CRHBP: variants seen among roughly 807,000 people sequenced by gnomAD.
The protein encoded by CRHBP is corticotropin-releasing hormone-binding protein.
Under a neutral mutation model 34.9 loss-of-function variants are expected in CRHBP, and 19 were observed. That is an observed-to-expected ratio of 0.55 (90% CI 0.38 to 0.80). The LOEUF is 0.80. Among genes scored for constraint, CRHBP ranks in the 30% least tolerant of loss-of-function variants. The pLI, the probability that CRHBP is intolerant of heterozygous loss-of-function variation, is 0.00. For missense variants in CRHBP, 328 were observed against 409.2 expected (o/e 0.80, Z 1.71); for synonymous variants, 154 against 153.4 (o/e 1.00, Z -0.03).
chr5:76,969,890 A>G (rs1186621522), downstream of CRHBP, among the ~76,000 whole-genome samples: 1 of 150,126 alleles, frequency 6.7e-6, no homozygotes, highest in Non-Finnish European at 1.5e-5. Flanking sequence ...TATGTAAAAG[A>G]CATCTTGGAG....
intron 6 of CRHBP, 70 bp from the exon 7 acceptor site, chr5:76,968,658 C>A: frequency 1.4e-6 from 2 of 1,477,090 alleles, no homozygotes; most frequent in South Asian, 1.3e-5. Context: ...TTAAGTGATC[C>A]CGTCATTTAA....
chr5:76,964,921 C>CA (rs1745838158), intron 6 of CRHBP, among the ~76,000 whole-genome samples: 1 of 151,538 alleles, frequency 6.6e-6, no homozygotes, highest in Admixed American at 6.6e-5. Flanking sequence ...GAGGCTGACG[C>CA]AGGAGGATCG....
intron 3 of CRHBP, among the ~76,000 whole-genome samples, chr5:76,979,628 C>T (rs1052652947): frequency 3.9e-5 from 6 of 152,086 alleles, no homozygotes; most frequent in Admixed American, 1.3e-4. Context: ...GGATTACAGG[C>T]GTGAGACACC....
downstream of CRHBP, among the ~76,000 whole-genome samples, chr5:76,969,980 C>T (rs2150710278): frequency 9.2e-6 from 1 of 108,618 alleles, no homozygotes; most frequent in South Asian, 3.1e-4. Context: ...ACAGTCTTGG[C>T]TCTGTCACCT....
downstream of CRHBP, among the ~76,000 whole-genome samples, chr5:76,972,227 C>T (rs184190965): frequency 3.0e-4 from 45 of 152,018 alleles, no homozygotes; most frequent in African/African-American, 1.0e-3. Flanking sequence ...AGGCTGGGCG[C>T]AGTGGCTCAC....
downstream of CRHBP, among the ~76,000 whole-genome samples, chr5:76,974,467 T>TTTTTTTTTGA (rs1271884314): frequency 3.3e-5 from 5 of 151,436 alleles, no homozygotes; most frequent in African/African-American, 9.7e-5. Flanking sequence ...CTATTTTAAT[T>TTTTTTTTTGA]GGGAGGCAAC....
Position 76,963,456 on chromosome 5 carries a change from C to A in CRHBP, c.807C>A (p.Gly269=). ...PLADLCYPFH[G]PAQMKVGCDN... is the part of the protein sequence containing the mutation. ...CTGATCTCTGCTACCCCTTTCATGG[C>A]CCGGGTGAGGTATTTCTTTGATTGT... The change falls in exon 6 of 7, where the codon GGC becomes GGA. Residue 269 remains glycine, a synonymous_variant. Coordinates refer to ENST00000274368, the MANE Select transcript of CRHBP (RefSeq NM_001882.4). The A allele has an allele frequency of 1.2e-6, 2 of 1,612,176 alleles. No homozygotes were observed. The highest frequency in any genetic ancestry group is 1.7e-6 in the Non-Finnish European group (2 of 1,178,356).
At chr5:76,955,904 C>T in intron 4 of CRHBP, 41 bp downstream of exon 4, 1 of 1,567,376 alleles carries the variant, frequency 6.4e-7, no homozygotes, top group Non-Finnish European at 8.7e-7. Flanking sequence ...CGGATATAGA[C>T]CCGCTTTTTG....
In CRHBP at chr5:76,953,145, A is replaced by G; in HGVS notation, c.11A>G (p.Asn4Ser). 8 of 1,614,186 alleles carry G rather than the reference A, an allele frequency of 5.0e-6. No individual in the cohort carries two copies. Among genetic ancestry groups the G allele is most frequent in the Non-Finnish European group, 6.8e-6 (8 of 1,180,030 alleles). The change falls in exon 1 of 7, where the codon AAC becomes AGC. Residue 4 changes from asparagine (N) to serine (S), a missense_variant. Asn to Ser is a conservative substitution (Grantham distance 46, BLOSUM62 1). Around this residue, in one of 3 missense-constraint regions of CRHBP, gnomAD observed 11 missense variants for 20.3 expected, o/e 0.54. Transcript: ENST00000274368. ...AGAGGCAAGGCCAGCATGTCGCCCA[A>G]CTTCAAACTTCAGTGTCACTTCATT... The part of the protein sequence containing the change: MSP[N>S]FKLQCHFILI...
intron 6 of CRHBP, among the ~76,000 whole-genome samples, chr5:76,964,404 C>T (rs1011814219): frequency 1.3e-5 from 2 of 152,218 alleles, no homozygotes; most frequent in African/African-American, 4.8e-5. Flanking sequence ...TCTTGATCAG[C>T]TGTTACCTGT....
chr5:76,971,148 A>G (rs1745938293), downstream of CRHBP, among the ~76,000 whole-genome samples: 2 of 152,202 alleles, frequency 1.3e-5, no homozygotes, highest in Admixed American at 1.3e-4. Context: ...CTAAGAAAGG[A>G]AGTATAGCGT....
chr5:76,953,548 T>C (rs1002935310), intron 1 of CRHBP, 53 bp from the exon 2 acceptor site: 4 of 1,553,802 alleles, frequency 2.6e-6, no homozygotes, highest in East Asian at 2.3e-5. Context: ...CCTGGTCCCC[T>C]TTTTTATCCC....
intron 3 of CRHBP, among the ~76,000 whole-genome samples, chr5:76,955,272 G>A (rs1018482304): frequency 6.6e-6 from 1 of 152,170 alleles, no homozygotes; most frequent in Non-Finnish European, 1.5e-5. Flanking sequence ...ATGACTAGAG[G>A]AAAGAGAGAA....
chr5:76,956,190 A>G (rs1745665661), intron 4 of CRHBP, among the ~76,000 whole-genome samples: 1 of 152,172 alleles, frequency 6.6e-6, no homozygotes, highest in African/African-American at 2.4e-5. Flanking sequence ...CTAATCCAGG[A>G]TAAGCTTGAG....
intron 6 of CRHBP, among the ~76,000 whole-genome samples, chr5:76,964,620 G>A (rs1343421671): frequency 6.6e-6 from 1 of 152,194 alleles, no homozygotes; most frequent in Non-Finnish European, 1.5e-5. Context: ...TTGGGAGGCC[G>A]AAGCGGGCAG....
At chr5:76,970,945 G>A (rs1197743038), downstream of CRHBP, among the ~76,000 whole-genome samples, 6 of 152,200 alleles carry the variant, frequency 3.9e-5, no homozygotes, top group African/African-American at 1.4e-4. Context: ...CATTCTTTGA[G>A]AGGATGTCCA....
intron 2 of CRHBP, 35 bp from the exon 3 acceptor site, chr5:76,953,994 C>T (rs780816959): frequency 6.3e-7 from 1 of 1,586,680 alleles, no homozygotes. Flanking sequence ...GCGGCTGCAG[C>T]CCGGGACTTA....
chr5:76,954,380 G>T (rs554112925), intron 3 of CRHBP, among the ~76,000 whole-genome samples, 194 bp downstream of exon 3: 1 of 151,720 alleles, frequency 6.6e-6, no homozygotes, highest in Non-Finnish European at 1.5e-5. Flanking sequence ...CTTACCCGAA[G>T]ACCTCGACCC....
intron 6 of CRHBP, among the ~76,000 whole-genome samples, chr5:76,967,429 T>C (rs949963233): frequency 6.6e-6 from 1 of 152,138 alleles, no homozygotes; most frequent in African/African-American, 2.4e-5. Context: ...GTTTGAGTGG[T>C]ACCCATTACA....
Sources: allele counts gnomAD v4.1 joint callset (sites outside exome capture counted in the v4.1 genomes callset), GRCh38; gene constraint gnomAD v4.1.1; regional missense constraint gnomAD v4.1.1; transcripts MANE v1.5; gene names NCBI Gene and HGNC (gene_info 2026-07-23, HGNC 2026-07-21).